The following GABRB1 variants were observed in gnomAD, a reference collection of about 807,000 sequenced individuals.
The protein encoded by GABRB1 is gamma-aminobutyric acid type A receptor subunit beta1.
GABRB1 carries 17 observed loss-of-function variants against 51.6 expected under a neutral mutation model. The observed-to-expected ratio is 0.33, with a 90% CI of 0.23 to 0.49. The LOEUF (loss-of-function observed/expected upper bound fraction) is 0.49. Ranked by LOEUF, GABRB1 falls within the 20% of genes least tolerant of loss-of-function variation. GABRB1 has a pLI of 0.99. For missense variants in GABRB1, 410 were observed against 600.6 expected (o/e 0.68, Z 3.32); for synonymous variants, 247 against 218.9 (o/e 1.13, Z -1.14).
At chr4:47,383,849 C>A (rs369201802) in intron 5 of GABRB1, among the ~76,000 whole-genome samples, 2 of 152,148 alleles carry the variant, frequency 1.3e-5, no homozygotes. Context: ...GTGACAAGGT[C>A]TATTAATCAT....
intron 1 of GABRB1, among the ~76,000 whole-genome samples, chr4:47,019,630 T>TTCTTTCTTTCTTC (rs2109450223): frequency 1.1e-5 from 1 of 87,986 alleles, no homozygotes; most frequent in African/African-American, 5.5e-5. Context: ...TCTCTCTCTT[T>TTCTTTCTTTCTTC]CTTTCTTTCT....
intron 1 of GABRB1, among the ~76,000 whole-genome samples, chr4:47,010,024 C>G (rs2109439115): frequency 6.6e-6 from 1 of 152,298 alleles, no homozygotes; most frequent in African/African-American, 2.4e-5. Context: ...ATAAACTTTA[C>G]CTACCACAGC....
chr4:47,154,333 C>T (rs1352171826), intron 3 of GABRB1, among the ~76,000 whole-genome samples: 1 of 144,744 alleles, frequency 6.9e-6, no homozygotes, highest in African/African-American at 2.6e-5. Flanking sequence ...GGTGACTTGT[C>T]CTGGTAATTT....
At chr4:47,034,373 C>A (rs1260257547) in intron 3 of GABRB1, among the ~76,000 whole-genome samples, 1 of 151,982 alleles carries the variant, frequency 6.6e-6, no homozygotes, top group Non-Finnish European at 1.5e-5. Context: ...AAGCTCAGAA[C>A]AAGGATTGAC....
chr4:47,082,350 C>A (rs1208464290), intron 3 of GABRB1, among the ~76,000 whole-genome samples: 1 of 152,000 alleles, frequency 6.6e-6, no homozygotes, highest in Non-Finnish European at 1.5e-5. Context: ...CTAAATACTG[C>A]TGCCTATGAT....
chr4:47,174,053 T>A (rs1239473264), intron 4 of GABRB1, among the ~76,000 whole-genome samples: 2 of 152,138 alleles, frequency 1.3e-5, no homozygotes, highest in East Asian at 3.9e-4. Flanking sequence ...TTTTGTTTTT[T>A]TTGTTCCCTT....
In GABRB1 at chr4:47,072,836, A is replaced by T. The variant is rs188230294; in HGVS notation, c.240+40352A>T. ...TAATTTAATTAAATTAACATTCAGA[A>T]ATTACACAGCCAATTTGGCAACACT... On this transcript the variant is annotated intron_variant, in intron 3 of 8. Transcript: ENST00000295454. 3.3e-5 allele frequency among the ~76,000 whole-genome samples: 5 copies of T among 152,294 alleles called. No individual in the cohort carries two copies. The East Asian group carries it at 9.6e-4, about 29-fold the overall frequency.
At chr4:47,312,886 T>C (rs1344642055) in intron 4 of GABRB1, among the ~76,000 whole-genome samples, 2 of 152,130 alleles carry the variant, frequency 1.3e-5, no homozygotes, top group African/African-American at 4.8e-5. Context: ...AAACCTAGGT[T>C]TCAAGATACT....
intron 5 of GABRB1, among the ~76,000 whole-genome samples, chr4:47,352,461 C>T (rs1033488537): frequency 1.3e-5 from 2 of 151,856 alleles, no homozygotes; most frequent in African/African-American, 4.8e-5. Context: ...GAGACACAAC[C>T]AAAAAAGAGA....
chr4:47,026,151 AAAAT>A (rs577516962), intron 1 of GABRB1, among the ~76,000 whole-genome samples: 2 of 151,986 alleles, frequency 1.3e-5, no homozygotes, highest in Admixed American at 6.6e-5. Flanking sequence ...CCTTAGTGTA[AAAAT>A]AAATAAATAA....
intron 4 of GABRB1, among the ~76,000 whole-genome samples, chr4:47,213,377 G>C (rs75479315): frequency 0.057 from 8,696 of 152,084 alleles, 377 homozygotes; most frequent in South Asian, 0.19. Context: ...CACAGAAAAA[G>C]TTCAAAGTTC....
intron 3 of GABRB1, among the ~76,000 whole-genome samples, chr4:47,057,733 G>C (rs1348851481): frequency 6.6e-6 from 1 of 152,200 alleles, no homozygotes; most frequent in African/African-American, 2.4e-5. Context: ...AAACCTGGAT[G>C]TAAGAGGAGA....
At chr4:47,033,752 T>C (rs1725436908) in intron 3 of GABRB1, among the ~76,000 whole-genome samples, 1 of 152,194 alleles carries the variant, frequency 6.6e-6, no homozygotes, top group Non-Finnish European at 1.5e-5. Context: ...AGTGTGACTA[T>C]TTAATTTCTG....
chr4:47,397,958 T>C (rs996726067), intron 5 of GABRB1, among the ~76,000 whole-genome samples: 2 of 152,184 alleles, frequency 1.3e-5, no homozygotes, highest in Non-Finnish European at 2.9e-5. Context: ...ACAAAAATCC[T>C]GTTGGCATTA....
At chr4:47,339,161 T>C (rs1052104276) in intron 5 of GABRB1, among the ~76,000 whole-genome samples, 1 of 152,184 alleles carries the variant, frequency 6.6e-6, no homozygotes, top group South Asian at 2.1e-4. Flanking sequence ...GGAAATGTAA[T>C]GCAGGAGTGA....
At chr4:47,150,887 C>T (rs1403615741) in intron 3 of GABRB1, among the ~76,000 whole-genome samples, 4 of 151,582 alleles carry the variant, frequency 2.6e-5, no homozygotes, top group Admixed American at 2.6e-4. Context: ...GAGAGAAAAC[C>T]ACCAGAATGT....
chr4:47,312,639 T>C (rs546128984), intron 4 of GABRB1, among the ~76,000 whole-genome samples: 1 of 152,298 alleles, frequency 6.6e-6, no homozygotes, highest in East Asian at 1.9e-4. Context: ...GGGTTCAGCA[T>C]TTTTAGGGGA....
intron 5 of GABRB1, among the ~76,000 whole-genome samples, chr4:47,399,973 G>A (rs1329365423): frequency 6.6e-6 from 1 of 152,064 alleles, no homozygotes; most frequent in Non-Finnish European, 1.5e-5. Context: ...AGTAAGCTCT[G>A]GGGAATTTGT....
chr4:47,036,602 C>T (rs957257572), intron 3 of GABRB1, among the ~76,000 whole-genome samples: 1 of 152,114 alleles, frequency 6.6e-6, no homozygotes, highest in East Asian at 1.9e-4. Context: ...TGGCCCCAAC[C>T]AGTAATCCCA....
Sources: gnomAD v4.1 joint callset for allele counts (sites outside exome capture counted in the v4.1 genomes callset) on GRCh38, gnomAD v4.1.1 for gene constraint, MANE v1.5 for transcripts, NCBI Gene and HGNC (gene_info 2026-07-23, HGNC 2026-07-21) for gene names.